The following TAFA2 variants were observed in gnomAD, a reference collection of about 807,000 sequenced individuals.
TAFA2 encodes the protein TAFA chemokine like family member 2.
Under a neutral mutation model 18.8 loss-of-function variants are expected in TAFA2, and 7 were observed. The observed-to-expected ratio is 0.37, with a 90% CI of 0.21 to 0.70. TAFA2 has a LOEUF of 0.70. Ranked by LOEUF, TAFA2 falls within the 30% of genes least tolerant of loss-of-function variation. The probability of loss-of-function intolerance (pLI) is 0.53; values close to 1 mark genes in which losing one functional copy is unlikely to be tolerated. For missense variants in TAFA2, 122 were observed against 158.1 expected, an observed-to-expected ratio of 0.77 and a Z score of 1.23; for synonymous variants, 60 against 54.2, an observed-to-expected ratio of 1.11 and a Z score of -0.47.
intron 1 of TAFA2, among the ~76,000 whole-genome samples, chr12:61,887,323 G>C (rs906702342): frequency 1.3e-5 from 2 of 152,106 alleles, no homozygotes; most frequent in East Asian, 3.8e-4. Context: ...GTTAAATGTA[G>C]AAAATATTGC....
chr12:61,742,688 A>G (rs966797775), intron 4 of TAFA2, among the ~76,000 whole-genome samples: 5 of 152,050 alleles, frequency 3.3e-5, no homozygotes, highest in South Asian at 2.1e-4. Context: ...CTCTAGAGCT[A>G]TATATCAAAT....
chr12:62,048,454 G>A (rs954788230), intron 1 of TAFA2, among the ~76,000 whole-genome samples: 4 of 152,052 alleles, frequency 2.6e-5, no homozygotes, highest in Non-Finnish European at 5.9e-5. Flanking sequence ...CAGGATTCTG[G>A]GGATTTTAAT....
chr12:61,720,944 C>T, intron 4 of TAFA2: 1 of 517,662 alleles, frequency 1.9e-6, no homozygotes, highest in South Asian at 1.4e-5. Context: ...AAACACATGT[C>T]AGGCACTCCA....
At chr12:62,196,454 G>A (rs2062649514), upstream of TAFA2, among the ~76,000 whole-genome samples, 1 of 152,142 alleles carries the variant, frequency 6.6e-6, no homozygotes, top group South Asian at 2.1e-4. Context: ...GATTTAAAGT[G>A]AGAGACATGA....
At chr12:61,811,338 G>T (rs138210685) in intron 2 of TAFA2, among the ~76,000 whole-genome samples, 1 of 151,406 alleles carries the variant, frequency 6.6e-6, no homozygotes, top group East Asian at 1.9e-4. Context: ...AGTATTAGTT[G>T]GCAGAGAAGG....
intron 1 of TAFA2, among the ~76,000 whole-genome samples, chr12:62,110,954 T>A (rs1869702809): frequency 6.6e-6 from 1 of 152,040 alleles, no homozygotes; most frequent in Non-Finnish European, 1.5e-5. Flanking sequence ...GATTCATTGA[T>A]TTTTTTGAAG....
At chr12:61,799,600 A>T (rs1871323474) in intron 2 of TAFA2, among the ~76,000 whole-genome samples, 1 of 152,188 alleles carries the variant, frequency 6.6e-6, no homozygotes, top group Non-Finnish European at 1.5e-5. Flanking sequence ...AGGCGGGCGG[A>T]TCACGAAGTC....
intron 1 of TAFA2, among the ~76,000 whole-genome samples, chr12:62,175,323 C>G (rs1229511978): frequency 6.6e-6 from 1 of 152,106 alleles, no homozygotes; most frequent in Non-Finnish European, 1.5e-5. Flanking sequence ...CTTCAATAAG[C>G]CTGGCTACTT....
At position 61,843,156 on chromosome 12, in the gene TAFA2, G is replaced by T. The variant is rs142975001; in HGVS notation, c.106+24164C>A. Among the ~76,000 whole-genome samples the T allele has an allele frequency of 4.3e-3, 654 of 152,144 alleles. 2 individuals carry two copies. The highest frequency in any genetic ancestry group is 0.015 in the African/African-American group (602 of 41,516). ...TTAAAACAAATTTACCTCCCTAAAA[G>T]CATATGGGGAAAAAGAGGGCAATCA... On this transcript the variant is annotated intron_variant, in intron 2 of 4. Transcript: ENST00000416284.
chr12:61,796,871 T>C (rs1871209942), intron 2 of TAFA2, among the ~76,000 whole-genome samples: 1 of 152,146 alleles, frequency 6.6e-6, no homozygotes, highest in Admixed American at 6.6e-5. Flanking sequence ...ATGGTTAACC[T>C]GAAATTTACT....
At chr12:61,790,741 C>A (rs1870940827) in intron 2 of TAFA2, among the ~76,000 whole-genome samples, 1 of 151,820 alleles carries the variant, frequency 6.6e-6, no homozygotes, top group African/African-American at 2.4e-5. Flanking sequence ...ATAGACATTT[C>A]TTGTTCATGA....
intron 4 of TAFA2, among the ~76,000 whole-genome samples, chr12:61,736,852 G>T (rs954035507): frequency 6.6e-6 from 1 of 151,964 alleles, no homozygotes; most frequent in Non-Finnish European, 1.5e-5. Context: ...GCAAAAAAGA[G>T]GATTCCTTGA....
intron 1 of TAFA2, chr12:62,207,130 C>T (rs2062694822): frequency 6.6e-6 from 1 of 152,198 alleles, no homozygotes; most frequent in South Asian, 2.1e-4. Context: ...CTATACTTCC[C>T]TCCATCTTAA....
At chr12:62,110,555 A>T (rs574966744) in intron 1 of TAFA2, among the ~76,000 whole-genome samples, 1 of 150,004 alleles carries the variant, frequency 6.7e-6, no homozygotes, top group African/African-American at 2.5e-5. Flanking sequence ...AAGGAATGGC[A>T]CCAGCTTCCT....
chr12:61,857,289 C>A (rs1873924646), intron 2 of TAFA2, among the ~76,000 whole-genome samples: 1 of 151,864 alleles, frequency 6.6e-6, no homozygotes, highest in African/African-American at 2.4e-5. Context: ...TTAACTTTAT[C>A]CATTTATTAG....
chr12:61,925,406 C>G (rs1877245553), intron 1 of TAFA2, among the ~76,000 whole-genome samples: 1 of 152,184 alleles, frequency 6.6e-6, no homozygotes, highest in Admixed American at 6.5e-5. Flanking sequence ...ACAGTGCAAT[C>G]AAATTAGAAC....
At position 61,710,295 on chromosome 12, in the gene TAFA2, C is replaced by A; in HGVS notation, c.*111G>T. On this transcript the variant is annotated 3_prime_UTR_variant, in exon 5 of 5. Transcript: ENST00000416284. ...AATCCCTTGGAAATAGACTATTGAGCGCCTCTTTCAAGTGGTATAAAAATC... is the reference window on the plus strand; with the variant it reads ...AATCCCTTGGAAATAGACTATTGAGAGCCTCTTTCAAGTGGTATAAAAATC... 1 of 936,062 alleles carries A rather than the reference C, an allele frequency of 1.1e-6. No individual in the cohort carries two copies. The highest frequency in any genetic ancestry group is 1.9e-5 in the Admixed American group (1 of 53,940). The allele number at this position is 936,062 out of a possible 1,614,324, so 58.0% of individuals were successfully genotyped here.
intron 1 of TAFA2, among the ~76,000 whole-genome samples, chr12:62,220,596 T>C (rs2062756373): frequency 6.6e-6 from 1 of 152,070 alleles, no homozygotes; most frequent in African/African-American, 2.4e-5. Flanking sequence ...GGACATTGAG[T>C]GATAATGACG....
chr12:62,235,307 G>T, intron 1 of TAFA2: 1 of 668,060 alleles, frequency 1.5e-6, no homozygotes, highest in South Asian at 1.7e-5. Flanking sequence ...ACAACAAGGG[G>T]GCCCTCGGCA....
Sources: gnomAD v4.1 joint callset for allele counts (sites outside exome capture counted in the v4.1 genomes callset) on GRCh38, gnomAD v4.1.1 for gene constraint, MANE v1.5 for transcripts, NCBI Gene and HGNC (gene_info 2026-07-23, HGNC 2026-07-21) for gene names.